EXOC2: variants seen among roughly 807,000 people sequenced by gnomAD.
EXOC2 encodes exocyst complex component 2, also known as SEC5-like 1.
EXOC2 carries 70 observed loss-of-function variants against 131.8 expected under a neutral mutation model. The observed-to-expected ratio is 0.53, with a 90% CI of 0.44 to 0.65. The LOEUF (loss-of-function observed/expected upper bound fraction) is 0.65, where lower values mean the gene tolerates loss of function less well. Ranked by LOEUF, EXOC2 falls within the 30% of genes least tolerant of loss-of-function variation. The pLI is 0.00. For missense variants in EXOC2, 923 were observed against 1,108.6 expected, an observed-to-expected ratio of 0.83 and a Z score of 2.38; for synonymous variants, 411 against 398.4, an observed-to-expected ratio of 1.03 and a Z score of -0.38.
At chr6:521,325 C>G (rs1221197725) in intron 23 of EXOC2, among the ~76,000 whole-genome samples, 1 of 152,152 alleles carries the variant, frequency 6.6e-6, no homozygotes, top group African/African-American at 2.4e-5. Context: ...AAAACCACCA[C>G]GCACTGAGTG....
intron 26 of EXOC2, 150 bp downstream of exon 26, chr6:490,973 TTG>T: frequency 2.6e-6 from 2 of 757,528 alleles, no homozygotes; most frequent in South Asian, 3.4e-5. Flanking sequence ...TTCATTTACA[TTG>T]TGTTACAAAG....
intron 1 of EXOC2, among the ~76,000 whole-genome samples, chr6:683,921 TCAGAACGCACCG>T (rs1490098212): frequency 6.6e-6 from 1 of 152,122 alleles, no homozygotes; most frequent in Non-Finnish European, 1.5e-5. Context: ...AGCCCAGAGT[TCAGAACGCACCG>T]CAGCTGCGAA....
chr6:565,842 A>G (rs944103257), intron 13 of EXOC2, among the ~76,000 whole-genome samples: 1 of 152,212 alleles, frequency 6.6e-6, no homozygotes, highest in African/African-American at 2.4e-5. Context: ...CGTTGTATAT[A>G]TATTTATTTC....
chr6:652,960 C>G (rs114621070), intron 1 of EXOC2, among the ~76,000 whole-genome samples: 1 of 152,322 alleles, frequency 6.6e-6, no homozygotes, highest in African/African-American at 2.4e-5. Context: ...GTAATTCTTG[C>G]ATTATCTCAA....
chr6:523,204 C>T (rs1328300450), intron 23 of EXOC2, among the ~76,000 whole-genome samples: 1 of 152,192 alleles, frequency 6.6e-6, no homozygotes, highest in Non-Finnish European at 1.5e-5. Context: ...GGGGGTGTGT[C>T]CAAGTGCTAC....
At chr6:599,267 T>C in intron 7 of EXOC2, 42 bp from the exon 8 acceptor site, 1 of 1,502,534 alleles carries the variant, frequency 6.7e-7, no homozygotes, top group African/African-American at 1.4e-5. Flanking sequence ...GAAAGCTGAT[T>C]TTAATCAGAA....
intron 25 of EXOC2, among the ~76,000 whole-genome samples, chr6:496,372 C>T (rs1028159991): frequency 1.3e-5 from 2 of 152,184 alleles, no homozygotes; most frequent in African/African-American, 4.8e-5. Context: ...TTTGTTTTAG[C>T]AAGCAGTTAA....
At position 633,111 on chromosome 6, in the gene EXOC2, G is replaced by C; in HGVS notation, c.125C>G (p.Thr42Ser). The C allele has an allele frequency of 1.2e-6, 2 of 1,612,742 alleles. No homozygotes were observed. Among genetic ancestry groups the C allele is most frequent in the Non-Finnish European group, 8.5e-7 (1 of 1,179,944 alleles). The change falls in exon 3 of 28, where the codon ACC becomes AGC. Residue 42 changes from threonine (T) to serine (S), a missense_variant. Thr to Ser is a moderately conservative substitution (Grantham distance 58, BLOSUM62 1). Transcript: ENST00000230449. ...CAGGAGGCAATTATGTCCACAAATGGTCAAGCCTGAAAATAAACGCATGTG... is the reference window on the plus strand; with the variant it reads ...CAGGAGGCAATTATGTCCACAAATGCTCAAGCCTGAAAATAAACGCATGTG... ...GTGPTDLIGL[T>S]ICGHNCLLTA...
Position 485,401 on chromosome 6 carries a change from G to A in EXOC2, c.*1270C>T, listed in dbSNP as rs188592706. On this transcript the variant is annotated 3_prime_UTR_variant, in exon 28 of 28. Transcript: ENST00000230449. ...ACACATTTATTTATTTTAAATAATG[G>A]AAACTGTACATGGCTACACTGTGCT... 1 of 152,192 alleles carries A rather than the reference G, an allele frequency of 6.6e-6. No homozygotes were observed. Among genetic ancestry groups the A allele is most frequent in the African/African-American group, 2.4e-5 (1 of 41,530 alleles). 9.4% of individuals were successfully genotyped at this position (152,192 alleles called of 1,614,324 possible).
chr6:635,424 A>T (rs1360623369), intron 2 of EXOC2, among the ~76,000 whole-genome samples: 1 of 152,246 alleles, frequency 6.6e-6, no homozygotes, highest in Non-Finnish European at 1.5e-5. Flanking sequence ...TACTCCAAAA[A>T]AATGAATAAT....
intron 25 of EXOC2, among the ~76,000 whole-genome samples, chr6:495,411 A>G (rs975061278): frequency 7.3e-5 from 11 of 151,656 alleles, no homozygotes; most frequent in Non-Finnish European, 1.2e-4. Context: ...GGTGTGAGCC[A>G]CCGCGCCCGG....
intron 2 of EXOC2, 46 bp downstream of exon 2, chr6:637,655 A>G: frequency 2.1e-6 from 3 of 1,461,632 alleles, no homozygotes; most frequent in Middle Eastern, 2.1e-4. Context: ...CCTTGTCCAC[A>G]TAAAAATCCG....
intron 22 of EXOC2, 76 bp downstream of exon 22, chr6:549,099 A>G (rs1757011058): frequency 8.1e-6 from 10 of 1,228,660 alleles, no homozygotes; most frequent in South Asian, 1.3e-5. Flanking sequence ...CTGCTAGCAG[A>G]ACACAGGCTA....
chr6:528,374 T>C (rs533138617), intron 23 of EXOC2, among the ~76,000 whole-genome samples: 1 of 152,354 alleles, frequency 6.6e-6, no homozygotes, highest in Non-Finnish European at 1.5e-5. Flanking sequence ...TTTGGAAGAT[T>C]AATAGTCAAA....
At chr6:581,609 A>T (rs762904150) in intron 11 of EXOC2, among the ~76,000 whole-genome samples, 1 of 152,196 alleles carries the variant, frequency 6.6e-6, no homozygotes, top group Non-Finnish European at 1.5e-5. Flanking sequence ...AAATTCTGGA[A>T]ATAAATATTC....
intron 1 of EXOC2, among the ~76,000 whole-genome samples, chr6:675,502 A>C (rs1371873060): frequency 1.3e-5 from 2 of 151,876 alleles, no homozygotes; most frequent in Non-Finnish European, 2.9e-5. Flanking sequence ...CATTGCTTTA[A>C]ACCTCTTCAA....
chr6:627,455 G>A (rs776982542), intron 4 of EXOC2, among the ~76,000 whole-genome samples: 35 of 152,064 alleles, frequency 2.3e-4, no homozygotes, highest in Admixed American at 1.3e-4. Flanking sequence ...ACGGCCTAAA[G>A]GGCCCTCCCC....
Position 684,186 on chromosome 6 carries a change from G to T in EXOC2, c.-44+8833C>A, listed in dbSNP as rs372674231. Among the ~76,000 whole-genome samples the T allele has an allele frequency of 4.6e-5, 7 of 152,252 alleles. No individual in the cohort carries two copies. The East Asian group carries it at 1.4e-3, about 29-fold the overall frequency. On this transcript the variant is annotated intron_variant, in intron 1 of 27. Transcript: ENST00000230449. ...GAGGGAGAAGGATGAGGTTAGGGAG[G>T]GGGAGACAGGACCGCAGGAAGAGGG...
At chr6:662,054 A>T (rs1763445317) in intron 1 of EXOC2, among the ~76,000 whole-genome samples, 1 of 152,372 alleles carries the variant, frequency 6.6e-6, no homozygotes, top group South Asian at 2.1e-4. Context: ...TAAAACAGAC[A>T]AAGAGGGACA....
Sources: allele counts gnomAD v4.1 joint callset (sites outside exome capture counted in the v4.1 genomes callset), GRCh38; gene constraint gnomAD v4.1.1; transcripts MANE v1.5; gene names NCBI Gene and HGNC (gene_info 2026-07-23, HGNC 2026-07-21).